The following RLF variants were observed in gnomAD, a reference collection of about 807,000 sequenced individuals.
RLF encodes the protein zinc finger protein Rlf.
A neutral mutation model predicts 162.9 loss-of-function variants in RLF; 7 were observed. The ratio of observed to expected loss-of-function variants is 0.04; its 90% CI spans 0.02 to 0.08. The LOEUF (loss-of-function observed/expected upper bound fraction) is 0.08. Ranked by LOEUF, RLF falls within the 10% of genes least tolerant of loss-of-function variation. The probability of loss-of-function intolerance (pLI) is 1.00; values close to 1 mark genes in which losing one functional copy is unlikely to be tolerated. For missense variants in RLF, 1,664 were observed against 2,244.7 expected (o/e 0.74, Z 5.23); for synonymous variants, 782 against 791.5 (o/e 0.99, Z 0.20).
rs201455161 is a variant in RLF, at chr1:40,173,076, T to TTG, written c.237+11441_237+11442insGT. On this transcript the variant is annotated intron_variant, in intron 1 of 7. Transcript: ENST00000372771. The stretch of plus-strand genomic sequence containing the variant: ...TTTGCATTTTAGTAACATTCAGGTT[T>TTG]TTTTTTTTTTTTTTTGTGAGGCAGA... 3.4e-3 allele frequency among the ~76,000 whole-genome samples: 501 copies of TTG among 148,674 alleles called. 14 individuals carry two copies. The highest frequency in any genetic ancestry group is 0.029 in the East Asian group (149 of 5,122).
intron 1 of RLF, among the ~76,000 whole-genome samples, chr1:40,181,807 C>T (rs935762377): frequency 3.9e-5 from 6 of 152,072 alleles, no homozygotes; most frequent in Admixed American, 2.0e-4. Flanking sequence ...ACAAATTTTC[C>T]GGAGCAGAAT....
chr1:40,225,934 C>T (rs996191114), intron 6 of RLF, among the ~76,000 whole-genome samples: 3 of 144,054 alleles, frequency 2.1e-5, no homozygotes, highest in Admixed American at 7.0e-5. Context: ...CACCTATAAT[C>T]CCAGCTACTC....
In RLF at chr1:40,240,406, C is replaced by G. The variant is rs771052386; in HGVS notation, c.5704C>G (p.Pro1902Ala). 1 of 1,612,008 alleles carries G rather than the reference C, an allele frequency of 6.2e-7. No individual in the cohort carries two copies. Among genetic ancestry groups the G allele is most frequent in the South Asian group, 1.1e-5 (1 of 90,640 alleles). The change falls in exon 8 of 8, where the codon CCA becomes GCA. Residue 1902 changes from proline (P) to alanine (A), a missense_variant. This residue lies in a region of RLF where 27 missense variants were observed against 52.5 expected (regional missense o/e 0.51). Coordinates refer to ENST00000372771, the MANE Select transcript of RLF (RefSeq NM_012421.4). ...KFSTPILDLF[P>A]TKKTDELCVG... is the part of the protein sequence containing the mutation. ...TTCCACACCAATTTTAGACTTATTT[C>G]CAACAAAAAAGACAGATGAGCTTTG...
In RLF at chr1:40,174,904, A is replaced by G. The variant is rs1642298646; in HGVS notation, c.237+13268A>G. Among the ~76,000 whole-genome samples, 4 of 152,250 alleles carry G rather than the reference A, an allele frequency of 2.6e-5. 1 individual carries two copies. In the South Asian group the frequency reaches 8.3e-4, roughly 32 times the overall value. ...TCTTTAAAGGACATTGTCAATGAAAATGTTAAATCAAAGGGCCAAGCACAG... is the reference window on the plus strand; with the variant it reads ...TCTTTAAAGGACATTGTCAATGAAAGTGTTAAATCAAAGGGCCAAGCACAG... On this transcript the variant is annotated intron_variant, in intron 1 of 7. Transcript: ENST00000372771.
At chr1:40,216,693 C>A (rs1231171794) in intron 5 of RLF, among the ~76,000 whole-genome samples, 2 of 152,142 alleles carry the variant, frequency 1.3e-5, no homozygotes, top group Non-Finnish European at 2.9e-5. Flanking sequence ...GGGAACACTT[C>A]CCAACTTATG....
rs375046081 is a variant in RLF, at chr1:40,200,983, A to C, written c.608-1429A>C. On this transcript the variant is annotated intron_variant, in intron 4 of 7. Coordinates refer to ENST00000372771, the MANE Select transcript of RLF (RefSeq NM_012421.4). ...AACCATTGCTACTCTACACACACACACCCCAGTGGTTTATCCTTAGTATAA... is the reference window on the plus strand; with the variant it reads ...AACCATTGCTACTCTACACACACACCCCCCAGTGGTTTATCCTTAGTATAA... Among the ~76,000 whole-genome samples, 947 of 96,672 alleles carry C rather than the reference A, an allele frequency of 9.8e-3. 30 individuals are homozygous for C. The highest frequency in any genetic ancestry group is 0.04 in the South Asian group (98 of 2,456). The allele number at this position is 96,672 out of a possible 152,430, so 63.4% of individuals were successfully genotyped here.
intron 3 of RLF, among the ~76,000 whole-genome samples, chr1:40,194,512 C>T (rs1239474007): frequency 1.3e-5 from 2 of 151,508 alleles, no homozygotes; most frequent in African/African-American, 4.8e-5. Flanking sequence ...TGGTGGCAGG[C>T]GCCTGTAATC....
chr1:40,190,768 G>T lies in RLF; in HGVS notation c.393-4G>T. The T allele has an allele frequency of 6.3e-7, 1 of 1,595,242 alleles. No individual in the cohort carries two copies. The highest frequency in any genetic ancestry group is 8.6e-7 in the Non-Finnish European group (1 of 1,164,318). ...CTTTATATACTTACTCATTTTTATT[G>T]TAGGAGTTGTTTCGAATTACTGCTT... On this transcript the variant is annotated splice_polypyrimidine_tract_variant and splice_region_variant and intron_variant, in intron 2 of 7. Coordinates refer to ENST00000372771, the MANE Select transcript of RLF (RefSeq NM_012421.4).
chr1:40,217,051 A>G (rs1642933919), intron 5 of RLF, among the ~76,000 whole-genome samples: 1 of 152,108 alleles, frequency 6.6e-6, no homozygotes, highest in African/African-American at 2.4e-5. Context: ...TCTGTCTCCA[A>G]AAAAAGAGAC....
chr1:40,169,004 A>G (rs1570511724), intron 1 of RLF, among the ~76,000 whole-genome samples: 1 of 152,290 alleles, frequency 6.6e-6, no homozygotes, highest in East Asian at 1.9e-4. Flanking sequence ...AAAAAAAATA[A>G]TAATATGTTT....
intron 1 of RLF, among the ~76,000 whole-genome samples, chr1:40,176,193 G>A (rs1474152967): frequency 3.9e-5 from 6 of 152,188 alleles, no homozygotes; most frequent in Admixed American, 3.9e-4. Flanking sequence ...AAATCAAGCT[G>A]TTAGGAACAT....
chr1:40,166,982 AC>A (rs1642176435), intron 1 of RLF, among the ~76,000 whole-genome samples: 1 of 152,152 alleles, frequency 6.6e-6, no homozygotes, highest in African/African-American at 2.4e-5. Flanking sequence ...GTGCACATGT[AC>A]CCTAGAACTT....
At chr1:40,198,078 A>G (rs1210005517) in intron 4 of RLF, among the ~76,000 whole-genome samples, 7 of 151,902 alleles carry the variant, frequency 4.6e-5, no homozygotes, top group Non-Finnish European at 1.0e-4. Flanking sequence ...ATCTCAGCTC[A>G]CTGCAACCTC....
chr1:40,193,680 A>G (rs1487330990), intron 3 of RLF, among the ~76,000 whole-genome samples: 4 of 152,204 alleles, frequency 2.6e-5, no homozygotes, highest in African/African-American at 9.6e-5. Flanking sequence ...TGGTGAACTA[A>G]TAATTAGAAA....
chr1:40,214,947 T>TAAAAAAA (rs1642906912), intron 5 of RLF, among the ~76,000 whole-genome samples: 9 of 65,044 alleles, frequency 1.4e-4, no homozygotes, highest in South Asian at 5.3e-4. Flanking sequence ...AAAAAAAAAC[T>TAAAAAAA]AAAGTATGAG....
chr1:40,205,289 T>G (rs1642775038), intron 5 of RLF, among the ~76,000 whole-genome samples: 1 of 151,960 alleles, frequency 6.6e-6, no homozygotes, highest in South Asian at 2.1e-4. Context: ...TAAGCTGAGA[T>G]CACGCCACTG....
At chr1:40,170,246 T>C (rs1055949596) in intron 1 of RLF, among the ~76,000 whole-genome samples, 3 of 151,844 alleles carry the variant, frequency 2.0e-5, no homozygotes, top group Non-Finnish European at 4.4e-5. Flanking sequence ...AATTCTGAGC[T>C]TTTTTTTGTT....
intron 4 of RLF, among the ~76,000 whole-genome samples, chr1:40,202,027 T>G (rs1369197475): frequency 6.6e-6 from 1 of 152,200 alleles, no homozygotes; most frequent in Non-Finnish European, 1.5e-5. Context: ...GCAAGTTACC[T>G]AACTTCTGTG....
rs758829199 is a variant in RLF at position 40,237,897 on chromosome 1, A to G, written c.3195A>G (p.Leu1065=). The change falls in exon 8 of 8, where the codon TTA becomes TTG. Residue 1065 remains leucine (L), a synonymous_variant. Transcript: ENST00000372771. The surrounding 1 kb of genome is among the most constrained non-coding windows in gnomAD (Gnocchi z 4.4). ...CTEDTMLELL[L]RLKHLSLKNS... ...AGGATACCATGTTGGAACTTCTGTT[A>G]CGCTTGAAACATTTAAGCTTGAAAA... 6 of 1,614,042 alleles carry G rather than the reference A, an allele frequency of 3.7e-6. No homozygotes were observed. The highest frequency in any genetic ancestry group is 3.3e-5 in the Admixed American group (2 of 60,008).
Sources: gnomAD v4.1 joint callset for allele counts (sites outside exome capture counted in the v4.1 genomes callset) on GRCh38, gnomAD v4.1.1 for gene constraint, gnomAD v4.1.1 regional missense constraint, Gnocchi (gnomAD v3.1) non-coding constraint, MANE v1.5 for transcripts, NCBI Gene and HGNC (gene_info 2026-07-23, HGNC 2026-07-21) for gene names.